Variants in TAFA1 observed in about 807,000 individuals in gnomAD.
TAFA1 encodes TAFA chemokine like family member 1, also known as chemokine-like protein TAFA-1.
A neutral mutation model predicts 18.5 loss-of-function variants in TAFA1; 4 were observed. The observed-to-expected ratio is 0.22, with a 90% CI of 0.11 to 0.49. The LOEUF is 0.49. TAFA1 is among the 20% of genes least tolerant of loss of function. The pLI is 0.98. For synonymous variants in TAFA1, 56 were observed against 55.2 expected (o/e 1.01, Z -0.06); for missense variants, 147 against 169.0 (o/e 0.87, Z 0.72).
intron 2 of TAFA1, among the ~76,000 whole-genome samples, chr3:68,071,871 C>T (rs916276571): frequency 5.9e-5 from 9 of 151,968 alleles, no homozygotes; most frequent in Non-Finnish European, 1.2e-4. Flanking sequence ...AGAACTCACT[C>T]GCTATCACAA....
intron 2 of TAFA1, among the ~76,000 whole-genome samples, chr3:68,112,164 C>G (rs1023289822): frequency 2.0e-5 from 3 of 152,036 alleles, no homozygotes; most frequent in Non-Finnish European, 4.4e-5. Context: ...GCATCTGTTC[C>G]CTGTGGTCAG....
chr3:68,293,240 G>T (rs907720148), intron 2 of TAFA1, among the ~76,000 whole-genome samples: 3 of 152,126 alleles, frequency 2.0e-5, no homozygotes, highest in Admixed American at 2.0e-4. Flanking sequence ...ATAGCATCAG[G>T]ATCTTCACAT....
chr3:68,456,021 A>G (rs1301017663), intron 3 of TAFA1, among the ~76,000 whole-genome samples: 2 of 152,162 alleles, frequency 1.3e-5, no homozygotes, highest in Non-Finnish European at 2.9e-5. Flanking sequence ...GTGTTGAACT[A>G]ATAATGGAAT....
At chr3:68,071,810 A>C (rs1258804444) in intron 2 of TAFA1, among the ~76,000 whole-genome samples, 1 of 152,148 alleles carries the variant, frequency 6.6e-6, no homozygotes, top group African/African-American at 2.4e-5. Flanking sequence ...TAATGGCAGA[A>C]GGCAAAGCGA....
chr3:68,358,572 C>T (rs2069408898), intron 2 of TAFA1, among the ~76,000 whole-genome samples: 1 of 151,880 alleles, frequency 6.6e-6, no homozygotes, highest in South Asian at 2.1e-4. Context: ...TCATTGTTTG[C>T]ATGCCTCATT....
chr3:68,399,932 A>T (rs1165306247), intron 2 of TAFA1, among the ~76,000 whole-genome samples: 3 of 152,308 alleles, frequency 2.0e-5, no homozygotes, highest in African/African-American at 4.8e-5. Context: ...ACTGGTCTCC[A>T]TGTCAGCTCA....
chr3:68,103,661 T>C (rs1054319975), intron 2 of TAFA1, among the ~76,000 whole-genome samples: 1 of 152,114 alleles, frequency 6.6e-6, no homozygotes, highest in Non-Finnish European at 1.5e-5. Context: ...TTTAGCACGC[T>C]AATTGTCATC....
chr3:68,384,443 A>AG (rs1325745037), intron 2 of TAFA1, among the ~76,000 whole-genome samples: 14 of 152,112 alleles, frequency 9.2e-5, no homozygotes, highest in African/African-American at 3.4e-4. Flanking sequence ...CATTCAGAGC[A>AG]GGTTATTCAA....
chr3:68,475,975 T>C (rs942879014), intron 3 of TAFA1, among the ~76,000 whole-genome samples: 1 of 152,236 alleles, frequency 6.6e-6, no homozygotes, highest in African/African-American at 2.4e-5. Flanking sequence ...GAAGTGTCTG[T>C]TCATGTCCTT....
chr3:68,259,887 G>A (rs1369117024), intron 2 of TAFA1, among the ~76,000 whole-genome samples: 1 of 151,904 alleles, frequency 6.6e-6, no homozygotes, highest in Admixed American at 6.6e-5. Context: ...CTGCAAACAG[G>A]GACAATTTGA....
intron 2 of TAFA1, among the ~76,000 whole-genome samples, chr3:68,340,275 C>T (rs1399114898): frequency 2.0e-5 from 3 of 152,260 alleles, no homozygotes; most frequent in African/African-American, 4.8e-5. Flanking sequence ...ATTTAAATAG[C>T]CAAGGTTTCA....
chr3:68,216,790 C>T (rs143188688), intron 2 of TAFA1, among the ~76,000 whole-genome samples: 6 of 152,112 alleles, frequency 3.9e-5, no homozygotes, highest in East Asian at 1.9e-4. Flanking sequence ...CAAAGGGACA[C>T]GGGAACCAAC....
intron 2 of TAFA1, among the ~76,000 whole-genome samples, chr3:68,307,092 T>C (rs1425826451): frequency 6.6e-6 from 1 of 152,214 alleles, no homozygotes; most frequent in Non-Finnish European, 1.5e-5. Flanking sequence ...GATAGTATTG[T>C]TGGGATAATG....
At chr3:68,417,078 T>A (rs1197127330) in intron 2 of TAFA1, among the ~76,000 whole-genome samples, 1 of 152,166 alleles carries the variant, frequency 6.6e-6, no homozygotes, top group Non-Finnish European at 1.5e-5. Flanking sequence ...TATCCATTGG[T>A]ATTCTTTGCT....
Position 68,248,149 on chromosome 3 carries a change from A to T in TAFA1, c.119-169131A>T, listed in dbSNP as rs536712844. Among the ~76,000 whole-genome samples the T allele has an allele frequency of 2.8e-3, 428 of 152,228 alleles. 3 individuals carry two copies. Among genetic ancestry groups the T allele is most frequent in the Non-Finnish European group, 4.8e-3 (328 of 68,030 alleles). ...CTTCTGTACATAACTGACTTTCAAT[A>T]CATGCTCATTAAAACCAAAAAAGCT... On this transcript the variant is annotated intron_variant, in intron 2 of 4. Transcript: ENST00000478136.
intron 2 of TAFA1, among the ~76,000 whole-genome samples, chr3:68,242,969 A>C (rs2067020048): frequency 6.6e-6 from 1 of 152,134 alleles, no homozygotes; most frequent in Non-Finnish European, 1.5e-5. Context: ...ATATGATTGT[A>C]TGATTATTAG....
rs573206625 is a variant in TAFA1 at position 68,466,148 on chromosome 3, A to G, written c.259+48728A>G. On this transcript the variant is annotated intron_variant, in intron 3 of 4. Coordinates refer to ENST00000478136, the MANE Select transcript of TAFA1 (RefSeq NM_213609.4). ...TGGCACTCTTGAGGTTGGGCTGGGT[A>G]TGAGTAGAGTTGGCATACTTCACTT... is the stretch of plus-strand genomic sequence containing the variant. Among the ~76,000 whole-genome samples the G allele has an allele frequency of 4.6e-5, 7 of 152,118 alleles. No individual in the cohort carries two copies. The South Asian group carries it at 1.3e-3, about 27-fold the overall frequency.
At chr3:68,227,946 T>C (rs891080594) in intron 2 of TAFA1, among the ~76,000 whole-genome samples, 2 of 152,152 alleles carry the variant, frequency 1.3e-5, no homozygotes, top group Admixed American at 6.5e-5. Context: ...GTGGAGCATA[T>C]ACTTTATTTT....
rs547217329 is a variant in TAFA1, at chr3:68,281,150, G to T, written c.119-136130G>T. On this transcript the variant is annotated intron_variant, in intron 2 of 4. Coordinates refer to ENST00000478136, the MANE Select transcript of TAFA1 (RefSeq NM_213609.4). Reference sequence around the variant, plus strand: ...ATTTTTTATTTACATTGTTCCTTTTGATTCTTACAACAGCCCTGTACAATA... The same window carrying T: ...ATTTTTTATTTACATTGTTCCTTTTTATTCTTACAACAGCCCTGTACAATA... 3.2e-4 allele frequency among the ~76,000 whole-genome samples: 48 copies of T among 151,896 alleles called. No individual in the cohort carries two copies. In the South Asian group the frequency reaches 9.6e-3, roughly 30 times the overall value.
Sources: gnomAD v4.1 joint callset for allele counts (sites outside exome capture counted in the v4.1 genomes callset) on GRCh38, gnomAD v4.1.1 for gene constraint, MANE v1.5 for transcripts, NCBI Gene and HGNC (gene_info 2026-07-23, HGNC 2026-07-21) for gene names.